FOXL1: variants seen among roughly 807,000 people sequenced by gnomAD.
FOXL1 encodes the protein forkhead box protein L1.
In FOXL1, 2 loss-of-function variants were observed where a neutral mutation model predicts 1.7. That is an observed-to-expected ratio of 1.21 (90% CI 0.49 to 3.80). The LOEUF is 3.80. Ranked by LOEUF, FOXL1 falls within the 30% of genes most tolerant of loss-of-function variation. FOXL1 has a pLI of 0.07. For synonymous variants in FOXL1, 280 were observed against 229.3 expected, an observed-to-expected ratio of 1.22 and a Z score of -2.00; for missense variants, 565 against 495.8, an observed-to-expected ratio of 1.14 and a Z score of -1.32.
chr16:86,579,611 G>A lies in FOXL1; in HGVS notation c.888G>A (p.Ser296=). The A allele has an allele frequency of 6.2e-7, 1 of 1,613,112 alleles. No homozygotes were observed. Among genetic ancestry groups the A allele is most frequent in the Non-Finnish European group, 8.5e-7 (1 of 1,179,914 alleles). ...KPGPGGRLGA[S]LLAASSSLRP... The stretch of plus-strand genomic sequence containing the variant: ...GGCCCGGCGGCCGTCTGGGTGCCTC[G>A]CTCCTGGCCGCCTCCTCCAGCCTCC... The change falls in exon 1 of 1, where the codon TCG becomes TCA. Residue 296 remains serine (S), a synonymous_variant. Transcript: ENST00000320241.
chr16:86,579,722 C>T lies in FOXL1; in HGVS notation c.999C>T (p.Phe333=), dbSNP rs138392858. 764 of 1,613,734 alleles carry T rather than the reference C, an allele frequency of 4.7e-4. 4 individuals carry two copies. The African/African-American group carries it at 8.9e-3, about 19-fold the overall frequency. Residue 333 remains phenylalanine, a synonymous_variant, in exon 1 of 1, where the codon TTC becomes TTT. Coordinates refer to ENST00000320241, the MANE Select transcript of FOXL1 (RefSeq NM_005250.3). Reference sequence around the variant, plus strand: ...TCGGGATCCCCTTCCTCTCTTATTTCCCCCTGCAGGTTCCCGACACGGTAC... The same window carrying T: ...TCGGGATCCCCTTCCTCTCTTATTTTCCCCTGCAGGTTCCCGACACGGTAC... ...YQLGIPFLSY[F]PLQVPDTVLH... is the part of the protein sequence containing the mutation.
rs550925255 is a variant in FOXL1 at position 86,579,343 on chromosome 16, A to C, written c.620A>C (p.His207Pro). 1.5e-6 allele frequency: 2 copies of C among 1,374,322 alleles called. No individual in the cohort carries two copies. The highest frequency in any genetic ancestry group is 3.1e-5 in the African/African-American group (2 of 64,244). The allele number at this position is 1,374,322 out of a possible 1,614,324, so 85.1% of individuals were successfully genotyped here. A position where few individuals can be genotyped will look rare whatever the true frequency, so the allele number is the denominator to read the frequency against. Residue 207 changes from histidine (H) to proline (P), a missense_variant, in exon 1 of 1, where the codon CAC becomes CCC. Coordinates refer to ENST00000320241, the MANE Select transcript of FOXL1 (RefSeq NM_005250.3). ...GGCCCCTCTCCGCCGGCGCCCCTCCACTGGCCGGGGACCGCGTCCCCGAAC... is the reference window on the plus strand; with the variant it reads ...GGCCCCTCTCCGCCGGCGCCCCTCCCCTGGCCGGGGACCGCGTCCCCGAAC... ...LDGPSPPAPL[H>P]WPGTASPNED...
rs1219909901 is a variant in FOXL1 at position 86,579,595 on chromosome 16, G to GCAC, written c.873_874insACC (p.Gly291_Arg292insThr). ...GGGGGTGCCAAGCCTGGGCCCGGCG[G>GCAC]CCGTCTGGGTGCCTCGCTCCTGGCC... On this transcript the variant is annotated inframe_insertion, in exon 1 of 1. Coordinates refer to ENST00000320241, the MANE Select transcript of FOXL1 (RefSeq NM_005250.3). 6.2e-7 allele frequency: 1 copy of GCAC among 1,612,998 alleles called. No individual in the cohort carries two copies. The highest frequency in any genetic ancestry group is 1.3e-5 in the African/African-American group (1 of 74,950).
At position 86,579,360 on chromosome 16, in the gene FOXL1, TC is replaced by T; in HGVS notation, c.641del (p.Pro214ArgfsTer50). The part of the protein sequence containing the change: ...PAPLHWPGTA[S>X]PNEDAGDAAQ... ...GCCCCTCCACTGGCCGGGGACCGCG[TC>T]CCCGAACGAGGACGCTGGTGACGCT... On this transcript the variant is annotated frameshift_variant, in exon 1 of 1. Transcript: ENST00000320241. LOFTEE classifies it low-confidence loss of function (END_TRUNC). 6.7e-7 allele frequency: 1 copy of T among 1,492,946 alleles called. No homozygotes were observed. The allele number at this position is 1,492,946 out of a possible 1,614,324, so 92.5% of individuals were successfully genotyped here.
rs766758443 is a variant in FOXL1 at position 86,579,626 on chromosome 16, C to T, written c.903C>T (p.Ser301=). The T allele has an allele frequency of 5.6e-6, 9 of 1,613,508 alleles. No individual in the cohort carries two copies. The East Asian group carries it at 1.6e-4, about 28-fold the overall frequency. Residue 301 remains serine (S), a synonymous_variant, in exon 1 of 1, where the codon TCC becomes TCT. Transcript: ENST00000320241. ...GRLGASLLAA[S]SSLRPPFNAS... ...TGGGTGCCTCGCTCCTGGCCGCCTC[C>T]TCCAGCCTCCGTCCGCCTTTCAACG...
rs1974370402 is a variant in FOXL1, at chr16:86,578,743, C to A, written c.20C>A (p.Pro7His). The A allele has an allele frequency of 6.2e-7, 1 of 1,605,864 alleles. No homozygotes were observed. Among genetic ancestry groups the A allele is most frequent in the African/African-American group, 1.3e-5 (1 of 74,890 alleles). MSHLFD[P>H]RLPALAASPM... ...CTTGCCATGAGTCACCTCTTCGATC[C>A]CCGGCTGCCTGCCCTGGCCGCCTCG... Residue 7 changes from proline to histidine, a missense_variant, in exon 1 of 1, where the codon CCC becomes CAC. Transcript: ENST00000320241.
Position 86,579,812 on chromosome 16 carries a change from G to A in FOXL1, c.*51G>A. The A allele has an allele frequency of 6.6e-7, 1 of 1,515,682 alleles. No individual in the cohort carries two copies. Among genetic ancestry groups the A allele is most frequent in the South Asian group, 1.2e-5 (1 of 86,194 alleles). 93.9% of individuals were successfully genotyped at this position (1,515,682 alleles called of 1,614,324 possible). ...CCGGCCCAGCCTGAGCCTCCGCTGA[G>A]CGAAAGGCCACAGCTCCCACCGGCG... On this transcript the variant is annotated 3_prime_UTR_variant, in exon 1 of 1. Transcript: ENST00000320241.
rs982073333 is a variant in FOXL1, at chr16:86,583,164, G to C, written c.*3403G>C. ...GGTGGTCTTCACCATTTCACTCAAA[G>C]TGGTGAGTGTATGCCCGTGTGTATG... On this transcript the variant is annotated 3_prime_UTR_variant, in exon 1 of 1. Transcript: ENST00000320241. Among the ~76,000 whole-genome samples the C allele has an allele frequency of 1.3e-5, 2 of 151,740 alleles. No individual in the cohort carries two copies. Among genetic ancestry groups the C allele is most frequent in the African/African-American group, 4.8e-5 (2 of 41,244 alleles).
Position 86,581,862 on chromosome 16 carries a change from A to G in FOXL1, c.*2101A>G, listed in dbSNP as rs569514352. 932 of 158,680 alleles carry G rather than the reference A, an allele frequency of 5.9e-3. 2 individuals are homozygous for G. The highest frequency in any genetic ancestry group is 0.014 in the Middle Eastern group (4 of 294). The allele number at this position is 158,680 out of a possible 1,614,324, so 9.8% of individuals were successfully genotyped here. A position where few individuals can be genotyped will look rare whatever the true frequency, so the allele number is the denominator to read the frequency against. ...AAGGAGTGGAGAGGATGCCGGGCCC[A>G]GGAAGCTGCCTCCATATCAGAAAGC... On this transcript the variant is annotated 3_prime_UTR_variant, in exon 1 of 1. Transcript: ENST00000320241.
At position 86,583,131 on chromosome 16, in the gene FOXL1, G is replaced by A. The variant is rs1300290214; in HGVS notation, c.*3370G>A. 2.0e-5 allele frequency among the ~76,000 whole-genome samples: 3 copies of A among 151,368 alleles called. No homozygotes were observed. The highest frequency in any genetic ancestry group is 1.3e-4 in the Admixed American group (2 of 15,178). On this transcript the variant is annotated 3_prime_UTR_variant, in exon 1 of 1. Transcript: ENST00000320241. Reference sequence around the variant, plus strand: ...GCCATTTTCAGATTTAATTGTGCCCGTTTGAATGGTGGTCTTCACCATTTC... The same window carrying A: ...GCCATTTTCAGATTTAATTGTGCCCATTTGAATGGTGGTCTTCACCATTTC...
In FOXL1 at chr16:86,580,645, G is replaced by A. The variant is rs1039217167; in HGVS notation, c.*884G>A. On this transcript the variant is annotated 3_prime_UTR_variant, in exon 1 of 1. Transcript: ENST00000320241. ...GCAGACGTCCTATCCTTTTGCTTTT[G>A]TTTTTAAGGGATCAAAATATTTCAA... is the stretch of plus-strand genomic sequence containing the variant. The A allele has an allele frequency of 4.8e-5, 8 of 166,912 alleles. No homozygotes were observed. The highest frequency in any genetic ancestry group is 3.3e-4 in the Admixed American group (5 of 15,306). 10.3% of individuals were successfully genotyped at this position (166,912 alleles called of 1,614,324 possible).
rs1974426990 is a variant in FOXL1 at position 86,582,621 on chromosome 16, TTATATA to T, written c.*2864_*2869del. Among the ~76,000 whole-genome samples the T allele has an allele frequency of 1.3e-5, 2 of 152,146 alleles. No individual in the cohort carries two copies. Among genetic ancestry groups the T allele is most frequent in the South Asian group, 4.1e-4 (2 of 4,820 alleles). Reference sequence around the variant, plus strand: ...AAAGTGTGTATACATATGTACACGTTTATATATATGTATATACATATATATACATGA... The same window carrying T: ...AAAGTGTGTATACATATGTACACGTTTATGTATATACATATATATACATGA... On this transcript the variant is annotated 3_prime_UTR_variant, in exon 1 of 1. Transcript: ENST00000320241.
rs974560824 is a variant in FOXL1, at chr16:86,582,010, A to G, written c.*2249A>G. On this transcript the variant is annotated 3_prime_UTR_variant, in exon 1 of 1. Transcript: ENST00000320241. ...TGGCTATGTTTTGAAGAAGCAAATA[A>G]TTTGATACTGCAGTTTTAAAAGGGT... The G allele has an allele frequency of 5.3e-5, 8 of 152,340 alleles. No individual in the cohort carries two copies. The highest frequency in any genetic ancestry group is 5.2e-4 in the Admixed American group (8 of 15,296). 9.4% of individuals were successfully genotyped at this position (152,340 alleles called of 1,614,324 possible).
At position 86,582,066 on chromosome 16, in the gene FOXL1, T is replaced by C. The variant is rs1974420658; in HGVS notation, c.*2305T>C. The C allele has an allele frequency of 6.6e-6, 1 of 152,212 alleles. No individual in the cohort carries two copies. The highest frequency in any genetic ancestry group is 6.5e-5 in the Admixed American group (1 of 15,282). The allele number at this position is 152,212 out of a possible 1,614,324, so 9.4% of individuals were successfully genotyped here. A position where few individuals can be genotyped will look rare whatever the true frequency, so the allele number is the denominator to read the frequency against. On this transcript the variant is annotated 3_prime_UTR_variant, in exon 1 of 1. Coordinates refer to ENST00000320241, the MANE Select transcript of FOXL1 (RefSeq NM_005250.3). ...TTTAAAGTTACTATTCCAAAAAGTATTGTACGAATGTTACTTTTATGACAC... is the reference window on the plus strand; with the variant it reads ...TTTAAAGTTACTATTCCAAAAAGTACTGTACGAATGTTACTTTTATGACAC...
chr16:86,579,396 G>T lies in FOXL1; in HGVS notation c.673G>T (p.Ala225Ser), dbSNP rs1597406336. ...NEDAGDAAQG[A>S]AAVAVGQAAR... The stretch of plus-strand genomic sequence containing the variant: ...GGACGCTGGTGACGCTGCCCAGGGC[G>T]CAGCGGCCGTGGCGGTCGGCCAGGC... Residue 225 changes from alanine to serine, a missense_variant, in exon 1 of 1, where the codon GCA becomes TCA. Physicochemically the swap from Ala to Ser is moderately conservative, Grantham distance 99 (BLOSUM62 1). Transcript: ENST00000320241. 1.6e-5 allele frequency: 25 copies of T among 1,523,344 alleles called. No homozygotes were observed. In the East Asian group the frequency reaches 5.4e-4, roughly 33 times the overall value. 94.4% of individuals were successfully genotyped at this position (1,523,344 alleles called of 1,614,324 possible).
rs927383975 is a variant in FOXL1, at chr16:86,580,569, C to G, written c.*808C>G. 9 of 166,508 alleles carry G rather than the reference C, an allele frequency of 5.4e-5. No individual in the cohort carries two copies. The highest frequency in any genetic ancestry group is 1.2e-4 in the Non-Finnish European group (8 of 68,126). 10.3% of individuals were successfully genotyped at this position (166,508 alleles called of 1,614,324 possible). On this transcript the variant is annotated 3_prime_UTR_variant, in exon 1 of 1. Transcript: ENST00000320241. ...GTGCACTCTATATAACATCTTCTTG[C>G]ATTACGATAGCTCATTAGCCAATAC...
rs1016222288 is a variant in FOXL1, at chr16:86,582,149, A to G, written c.*2388A>G. On this transcript the variant is annotated 3_prime_UTR_variant, in exon 1 of 1. Coordinates refer to ENST00000320241, the MANE Select transcript of FOXL1 (RefSeq NM_005250.3). ...TTATACATGCATAAAGAGAAATTCTATTTAATCCCAACTTTTGTCTGGTTT... is the reference window on the plus strand; with the variant it reads ...TTATACATGCATAAAGAGAAATTCTGTTTAATCCCAACTTTTGTCTGGTTT... The G allele has an allele frequency of 1.3e-5, 2 of 152,206 alleles. No homozygotes were observed. The highest frequency in any genetic ancestry group is 4.8e-5 in the African/African-American group (2 of 41,454). The allele number at this position is 152,206 out of a possible 1,614,324, so 9.4% of individuals were successfully genotyped here.
rs377725521 is a variant in FOXL1, at chr16:86,578,818, T to C, written c.95T>C (p.Phe32Ser). ...GAGAGACCCGGCCTCCCTCTGGCCT[T>C]CGCCCCCGCGGCTGCTCTAGCTGCC... is the stretch of plus-strand genomic sequence containing the variant. ...GPERPGLPLA[F>S]APAAALAASG... is the part of the protein sequence containing the mutation. Residue 32 changes from phenylalanine to serine, a missense_variant, in exon 1 of 1, where the codon TTC becomes TCC. Physicochemically the swap from Phe to Ser is radical, Grantham distance 155. Coordinates refer to ENST00000320241, the MANE Select transcript of FOXL1 (RefSeq NM_005250.3). 21 of 1,613,582 alleles carry C rather than the reference T, an allele frequency of 1.3e-5. No individual in the cohort carries two copies. The highest frequency in any genetic ancestry group is 1.7e-5 in the Non-Finnish European group (20 of 1,179,938).
Position 86,579,128 on chromosome 16 carries a change from C to T in FOXL1, c.405C>T (p.Asn135=), listed in dbSNP as rs1974376437. The change falls in exon 1 of 1, where the codon AAC becomes AAT. Residue 135 remains asparagine, a synonymous_variant. Transcript: ENST00000320241. ...LDPRCLDMFE[N]GNYRRRKRKP... is the part of the protein sequence containing the mutation. ...CCCGCTGCCTGGACATGTTTGAGAA[C>T]GGCAACTACCGGCGCCGGAAGAGGA... is the stretch of plus-strand genomic sequence containing the variant. 3.1e-6 allele frequency: 5 copies of T among 1,613,462 alleles called. No individual in the cohort carries two copies. In the East Asian group the frequency reaches 6.7e-5, roughly 22 times the overall value.
Sources: gnomAD v4.1 joint callset for allele counts (sites outside exome capture counted in the v4.1 genomes callset) on GRCh38, gnomAD v4.1.1 for gene constraint, MANE v1.5 for transcripts, NCBI Gene and HGNC (gene_info 2026-07-23, HGNC 2026-07-21) for gene names.